The following GPHN variants were observed in gnomAD, a reference collection of about 807,000 sequenced individuals.
The protein encoded by GPHN is gephyrin.
Under a neutral mutation model 95.5 loss-of-function variants are expected in GPHN, and 17 were observed. The observed-to-expected ratio is 0.18, with a 90% CI of 0.12 to 0.27. GPHN has a LOEUF of 0.27. GPHN is among the 10% of genes least tolerant of loss of function. The probability of loss-of-function intolerance (pLI) is 1.00; values close to 1 mark genes in which losing one functional copy is unlikely to be tolerated. For missense variants in GPHN, 660 were observed against 978.1 expected (o/e 0.67, Z 4.34); for synonymous variants, 320 against 322.5 (o/e 0.99, Z 0.08).
At chr14:67,603,845 C>T in the GPHN span, among the ~76,000 whole-genome samples, 5 of 151,370 alleles carry the variant, frequency 3.3e-5, no homozygotes, top group Non-Finnish European at 7.4e-5. Flanking sequence ...CCATGCCCAG[C>T]TAATTTTGTA....
At chr14:66,862,984 G>A (rs1335968140) in intron 4 of GPHN, among the ~76,000 whole-genome samples, 1 of 152,056 alleles carries the variant, frequency 6.6e-6, no homozygotes, top group East Asian at 1.9e-4. Context: ...ACAGCAGTCA[G>A]AGAAGAGAAA....
At chr14:67,339,891 G>T in the GPHN span, among the ~76,000 whole-genome samples, 13 of 152,124 alleles carry the variant, frequency 8.5e-5, no homozygotes, top group Admixed American at 8.5e-4. Context: ...TTGAGGTCAG[G>T]AGTTTTGAGA....
intron 2 of GPHN, among the ~76,000 whole-genome samples, chr14:66,722,343 T>A (rs2070833172): frequency 6.6e-6 from 1 of 152,184 alleles, no homozygotes; most frequent in African/African-American, 2.4e-5. Flanking sequence ...GATATCGTTA[T>A]CAAGAGCAGA....
At chr14:66,669,270 G>A (rs1035070353) in intron 1 of GPHN, among the ~76,000 whole-genome samples, 7 of 151,538 alleles carry the variant, frequency 4.6e-5, no homozygotes, top group African/African-American at 1.7e-4. Context: ...AGGCTGAGGC[G>A]GGAGAATCGC....
At chr14:66,674,847 T>G (rs2066495886) in intron 1 of GPHN, among the ~76,000 whole-genome samples, 1 of 152,238 alleles carries the variant, frequency 6.6e-6, no homozygotes, top group African/African-American at 2.4e-5. Context: ...TTCCTGTGAT[T>G]GCTGGATCAG....
chr14:66,837,596 AAAATAAATAAATAAATAAAAAT>A (rs1020204256), intron 4 of GPHN, among the ~76,000 whole-genome samples: 4 of 143,176 alleles, frequency 2.8e-5, no homozygotes, highest in East Asian at 2.0e-4. Context: ...AAGTATAATA[AAAATAAATAAATAAATAAAAAT>A]AAATAAATAA....
chr14:66,635,146 C>G (rs1043618017), intron 1 of GPHN, among the ~76,000 whole-genome samples: 1 of 152,110 alleles, frequency 6.6e-6, no homozygotes, highest in African/African-American at 2.4e-5. Flanking sequence ...ATTGTTTGGG[C>G]TGTCTCACTG....
chr14:67,680,750 C>T, the GPHN span, among the ~76,000 whole-genome samples: 4 of 152,180 alleles, frequency 2.6e-5, no homozygotes, highest in African/African-American at 9.7e-5. Flanking sequence ...TGAGCCGCCG[C>T]GCCCAGCCAA....
At chr14:67,324,035 A>G in the GPHN span, among the ~76,000 whole-genome samples, 4 of 152,216 alleles carry the variant, frequency 2.6e-5, no homozygotes, top group Non-Finnish European at 5.9e-5. Context: ...GAGCGTCTTC[A>G]CATGGGTCTG....
At chr14:66,707,559 G>A (rs28880440) in intron 2 of GPHN, among the ~76,000 whole-genome samples, 47,285 of 151,952 alleles carry the variant, frequency 0.31, 11,182 homozygotes, top group African/African-American at 0.64. Context: ...CAAACTTAAC[G>A]TGGGAACAGA....
intron 15 of GPHN, 118 bp downstream of exon 15, chr14:67,112,037 C>CT: frequency 1.2e-6 from 1 of 809,060 alleles, no homozygotes; most frequent in Non-Finnish European, 2.1e-6. Flanking sequence ...ATTTTCAGGG[C>CT]TTTAACAAAA....
chr14:66,916,336 A>C (rs545833430), intron 6 of GPHN, among the ~76,000 whole-genome samples: 1 of 152,194 alleles, frequency 6.6e-6, no homozygotes, highest in Non-Finnish European at 1.5e-5. Context: ...GACAACGTCC[A>C]GGAATACTAC....
At chr14:66,726,275 C>T (rs189118826) in intron 2 of GPHN, among the ~76,000 whole-genome samples, 104 of 152,150 alleles carry the variant, frequency 6.8e-4, no homozygotes, top group African/African-American at 2.4e-3. Context: ...ACACTTCCAC[C>T]TCTCAGGATG....
chr14:66,783,033 C>G (rs1447077120), intron 3 of GPHN, among the ~76,000 whole-genome samples: 1 of 152,100 alleles, frequency 6.6e-6, no homozygotes, highest in Non-Finnish European at 1.5e-5. Context: ...GAACCACCAA[C>G]AGGTGGCGTA....
In GPHN at chr14:66,845,694, A is replaced by C. The variant is rs1466457313; in HGVS notation, c.294+21128A>C. Among the ~76,000 whole-genome samples, 4 of 152,282 alleles carry C rather than the reference A, an allele frequency of 2.6e-5. No individual in the cohort carries two copies. The East Asian group carries it at 7.7e-4, about 29-fold the overall frequency. On this transcript the variant is annotated intron_variant, in intron 4 of 22. Transcript: ENST00000478722. Reference sequence around the variant, plus strand: ...ATTCATTTCAATCCAGAGATCCTTCATCCTGTATACTCAGCCTTCTACCAC... The same window carrying C: ...ATTCATTTCAATCCAGAGATCCTTCCTCCTGTATACTCAGCCTTCTACCAC...
the GPHN span, chr14:67,674,308 T>A: frequency 1.4e-4 from 196 of 1,397,864 alleles, 2 homozygotes; most frequent in South Asian, 2.2e-3. Context: ...GGGAGGAAGG[T>A]GGGAGAATCT....
the GPHN span, chr14:67,381,684 C>T: frequency 8.5e-5 from 137 of 1,610,730 alleles, no homozygotes; most frequent in Middle Eastern, 1.6e-4. Flanking sequence ...AAAACATGCC[C>T]ATTAAGGTGA....
intron 8 of GPHN, among the ~76,000 whole-genome samples, chr14:66,960,311 C>T (rs1422686434): frequency 9.6e-5 from 14 of 145,706 alleles, no homozygotes; most frequent in African/African-American, 2.9e-4. Flanking sequence ...ACAGGTTATA[C>T]TTTCTTATTT....
chr14:67,317,700 C>T, the GPHN span, among the ~76,000 whole-genome samples: 1 of 152,092 alleles, frequency 6.6e-6, no homozygotes, highest in South Asian at 2.1e-4. Flanking sequence ...TGACAGTTTC[C>T]TGTAGTTTTT....
Sources: allele counts gnomAD v4.1 joint callset (sites outside exome capture counted in the v4.1 genomes callset), GRCh38; gene constraint gnomAD v4.1.1; transcripts MANE v1.5; gene names NCBI Gene and HGNC (gene_info 2026-07-23, HGNC 2026-07-21).